Variants in OTUD3 observed in about 807,000 individuals in gnomAD.
OTUD3 encodes OTU domain-containing protein 3.
In OTUD3, 24 loss-of-function variants were observed where a neutral mutation model predicts 46.2. The observed-to-expected ratio is 0.52, with a 90% confidence interval of 0.38 to 0.73. The LOEUF (loss-of-function observed/expected upper bound fraction) is 0.73. Among genes scored for constraint, OTUD3 ranks in the 30% least tolerant of loss-of-function variants. The probability of loss-of-function intolerance (pLI) is 0.00; values close to 1 mark genes in which losing one functional copy is unlikely to be tolerated. For missense variants in OTUD3, 455 were observed against 523.3 expected (o/e 0.87, Z 1.27); for synonymous variants, 189 against 195.4 (o/e 0.97, Z 0.27).
chr1:19,901,513 G>A (rs2045589409), intron 4 of OTUD3, among the ~76,000 whole-genome samples: 1 of 152,102 alleles, frequency 6.6e-6, no homozygotes, highest in African/African-American at 2.4e-5. Context: ...TTTTTTAAAA[G>A]TTAAGGCAAA....
At chr1:19,886,080 C>T (rs1245558044) in intron 1 of OTUD3, among the ~76,000 whole-genome samples, 3 of 152,130 alleles carry the variant, frequency 2.0e-5, no homozygotes, top group Non-Finnish European at 4.4e-5. Context: ...TCATATTTCA[C>T]GTGTTGTCTG....
chr1:19,890,794 G>A (rs972459059), intron 2 of OTUD3, among the ~76,000 whole-genome samples: 2 of 152,122 alleles, frequency 1.3e-5, no homozygotes, highest in Non-Finnish European at 2.9e-5. Flanking sequence ...TACTCTGTGG[G>A]GTGGGAAAAG....
chr1:19,907,177 G>T (rs552297402), intron 7 of OTUD3, among the ~76,000 whole-genome samples: 26 of 152,270 alleles, frequency 1.7e-4, no homozygotes, highest in African/African-American at 6.3e-4. Context: ...TCACCAAGAA[G>T]TTCTGAGCTC....
rs567181814 is a variant in OTUD3, at chr1:19,911,454, A to G, written c.*3708A>G. 1.4e-4 allele frequency: 21 copies of G among 149,622 alleles called. No homozygotes were observed. Among genetic ancestry groups the G allele is most frequent in the African/African-American group, 4.5e-4 (18 of 40,318 alleles). 9.3% of individuals were successfully genotyped at this position (149,622 alleles called of 1,614,324 possible). A position where few individuals can be genotyped will look rare whatever the true frequency, so the allele number is the denominator to read the frequency against. ...GCCCAGGCTGGAGTGTGGTGGGGCAATCTCGGCTCACTGCAACCTCCACCT... is the reference window on the plus strand; with the variant it reads ...GCCCAGGCTGGAGTGTGGTGGGGCAGTCTCGGCTCACTGCAACCTCCACCT... On this transcript the variant is annotated 3_prime_UTR_variant, in exon 8 of 8. Transcript: ENST00000375120.
chr1:19,889,740 G>A (rs2100258784), intron 1 of OTUD3, among the ~76,000 whole-genome samples: 1 of 152,296 alleles, frequency 6.6e-6, no homozygotes, highest in Non-Finnish European at 1.5e-5. Context: ...AATAACAATG[G>A]CATTGTTGCT....
rs113611512 is a variant in OTUD3 at position 19,898,849 on chromosome 1, T to A, written c.606+1187T>A. ...TTTTTGAGATAAGGTCTCGCTCTGTTGCTCAGGCTGGAGTGCAGTGGCACC... is the reference window on the plus strand; with the variant it reads ...TTTTTGAGATAAGGTCTCGCTCTGTAGCTCAGGCTGGAGTGCAGTGGCACC... On this transcript the variant is annotated intron_variant, in intron 4 of 7. Transcript: ENST00000375120. 5.3e-3 allele frequency among the ~76,000 whole-genome samples: 805 copies of A among 152,354 alleles called. 4 individuals carry two copies. Among genetic ancestry groups the A allele is most frequent in the Non-Finnish European group, 8.9e-3 (608 of 68,030 alleles).
At chr1:19,894,282 T>C (rs2100275434) in intron 2 of OTUD3, 86 bp from the exon 3 acceptor site, 1 of 715,526 alleles carries the variant, frequency 1.4e-6, no homozygotes, top group East Asian at 2.5e-5. Flanking sequence ...TTTCTTATTA[T>C]TTGGAACTCA....
Position 19,882,735 on chromosome 1 carries a change from G to T in OTUD3, c.221+1G>T. On this transcript the variant is annotated splice_donor_variant, in intron 1 of 7. Transcript: ENST00000375120. LOFTEE classifies it high-confidence loss of function. ...AGCTGCGGGAGGTGCCGGGGGACGGGTGAGGCGGGCCGGGAGCGAGGGAGG... is the reference window on the plus strand; with the variant it reads ...AGCTGCGGGAGGTGCCGGGGGACGGTTGAGGCGGGCCGGGAGCGAGGGAGG... 1 of 1,347,944 alleles carries T rather than the reference G, an allele frequency of 7.4e-7. No homozygotes were observed. Among genetic ancestry groups the T allele is most frequent in the Non-Finnish European group, 9.5e-7 (1 of 1,050,106 alleles). 83.5% of individuals were successfully genotyped at this position (1,347,944 alleles called of 1,614,324 possible). A position where few individuals can be genotyped will look rare whatever the true frequency, so the allele number is the denominator to read the frequency against.
rs921875142 is a variant in OTUD3, at chr1:19,906,698, T to C, written c.1020+82T>C. On this transcript the variant is annotated intron_variant, in intron 7 of 7. Transcript: ENST00000375120. Reference sequence around the variant, plus strand: ...GGTGGTAGCTTGAGATTAATTTTATTTGTATTTTCCTTCTGATTTATAAAA... The same window carrying C: ...GGTGGTAGCTTGAGATTAATTTTATCTGTATTTTCCTTCTGATTTATAAAA... 12 of 1,231,396 alleles carry C rather than the reference T, an allele frequency of 9.7e-6. No homozygotes were observed. The African/African-American group carries it at 1.8e-4, about 19-fold the overall frequency. The allele number at this position is 1,231,396 out of a possible 1,614,324, so 76.3% of individuals were successfully genotyped here.
chr1:19,889,393 CT>C (rs1445485612), intron 1 of OTUD3, among the ~76,000 whole-genome samples: 2 of 152,122 alleles, frequency 1.3e-5, no homozygotes, highest in Non-Finnish European at 2.9e-5. Flanking sequence ...ACAAAACCCC[CT>C]TTTTTCCTAC....
At chr1:19,900,916 G>GTTTTTTT (rs990933093) in intron 4 of OTUD3, among the ~76,000 whole-genome samples, 8 of 115,666 alleles carry the variant, frequency 6.9e-5, no homozygotes, top group East Asian at 2.5e-4. Context: ...TTTTTTTTTT[G>GTTTTTTT]TTTTTTTTTT....
chr1:19,893,645 C>G (rs2045479075), intron 2 of OTUD3, among the ~76,000 whole-genome samples: 1 of 152,194 alleles, frequency 6.6e-6, no homozygotes, highest in African/African-American at 2.4e-5. Context: ...GGTGGAGAGG[C>G]CCGTCATGAA....
At chr1:19,884,019 C>T (rs2045319918) in intron 1 of OTUD3, among the ~76,000 whole-genome samples, 1 of 152,202 alleles carries the variant, frequency 6.6e-6, no homozygotes, top group East Asian at 1.9e-4. Flanking sequence ...TATTCACCAT[C>T]ATCTGGCAAA....
rs2100216239 is a variant in OTUD3, at chr1:19,882,489, C to T, written c.-25C>T. On this transcript the variant is annotated 5_prime_UTR_variant, in exon 1 of 8. Coordinates refer to ENST00000375120, the MANE Select transcript of OTUD3 (RefSeq NM_015207.2). ...GGGGGTCCTGCGCCTTTCCCTCCTGCCGCTGGGGACTGCAGGCTAAGGCCA... is the reference window on the plus strand; with the variant it reads ...GGGGGTCCTGCGCCTTTCCCTCCTGTCGCTGGGGACTGCAGGCTAAGGCCA... The T allele has an allele frequency of 7.4e-7, 1 of 1,348,494 alleles. No individual in the cohort carries two copies. The highest frequency in any genetic ancestry group is 9.5e-7 in the Non-Finnish European group (1 of 1,055,610). The allele number at this position is 1,348,494 out of a possible 1,614,324, so 83.5% of individuals were successfully genotyped here.
In OTUD3 at chr1:19,909,542, C is replaced by T. The variant is rs2045708264; in HGVS notation, c.*1796C>T. On this transcript the variant is annotated 3_prime_UTR_variant, in exon 8 of 8. Coordinates refer to ENST00000375120, the MANE Select transcript of OTUD3 (RefSeq NM_015207.2). ...CGAGTGCGTTAGGATCTATGGTTGT[C>T]TTGGTTTTCAACTCTGGGCAGATTC... 1.3e-5 allele frequency: 2 copies of T among 152,252 alleles called. No individual in the cohort carries two copies. Among genetic ancestry groups the T allele is most frequent in the Admixed American group, 1.3e-4 (2 of 15,258 alleles). The allele number at this position is 152,252 out of a possible 1,614,324, so 9.4% of individuals were successfully genotyped here.
At chr1:19,884,940 A>G (rs2045336032) in intron 1 of OTUD3, among the ~76,000 whole-genome samples, 1 of 152,242 alleles carries the variant, frequency 6.6e-6, no homozygotes, top group African/African-American at 2.4e-5. Context: ...TGAATTGGCC[A>G]GGAAGTCCTT....
intron 1 of OTUD3, among the ~76,000 whole-genome samples, chr1:19,885,918 A>G (rs1235649495): frequency 6.6e-6 from 1 of 152,204 alleles, no homozygotes; most frequent in African/African-American, 2.4e-5. Context: ...CATTGTTGGC[A>G]ATATGGTACC....
rs1212368100 is a variant in OTUD3, at chr1:19,906,423, C to A, written c.836-9C>A. The A allele has an allele frequency of 1.2e-6, 2 of 1,612,278 alleles. No homozygotes were observed. Among genetic ancestry groups the A allele is most frequent in the Non-Finnish European group, 8.5e-7 (1 of 1,178,924 alleles). ...TTCTCAGTTTTAATGAAATGTCTTT[C>A]TTTGGAAGATGCAGAAGAGAATCTT... On this transcript the variant is annotated splice_polypyrimidine_tract_variant and intron_variant, in intron 6 of 7. Coordinates refer to ENST00000375120, the MANE Select transcript of OTUD3 (RefSeq NM_015207.2).
chr1:19,899,970 C>T (rs1245838021), intron 4 of OTUD3, among the ~76,000 whole-genome samples: 1 of 151,864 alleles, frequency 6.6e-6, no homozygotes, highest in Non-Finnish European at 1.5e-5. Flanking sequence ...GGAAATTAGC[C>T]TCTGTCTGTG....
Sources: allele counts gnomAD v4.1 joint callset (sites outside exome capture counted in the v4.1 genomes callset), GRCh38; gene constraint gnomAD v4.1.1; transcripts MANE v1.5; gene names NCBI Gene and HGNC (gene_info 2026-07-23, HGNC 2026-07-21).